Variants in NELL2 observed in about 807,000 individuals in gnomAD.
The protein encoded by NELL2 is protein kinase C-binding protein NELL2.
NELL2 carries 41 observed loss-of-function variants against 109.6 expected under a neutral mutation model. The observed-to-expected ratio is 0.37, with a 90% CI of 0.29 to 0.49. The LOEUF (loss-of-function observed/expected upper bound fraction) is 0.49, where lower values mean the gene tolerates loss of function less well. NELL2 is among the 20% of genes least tolerant of loss of function. The pLI is 0.98. For synonymous variants in NELL2, 355 were observed against 344.7 expected, an observed-to-expected ratio of 1.03 and a Z score of -0.33; for missense variants, 900 against 1,008.3, an observed-to-expected ratio of 0.89 and a Z score of 1.45.
chr12:44,898,842 G>A (rs1484438470), intron 1 of NELL2, among the ~76,000 whole-genome samples: 1 of 152,072 alleles, frequency 6.6e-6, no homozygotes, highest in Non-Finnish European at 1.5e-5. Context: ...CCCAATGCAA[G>A]GAAGCTAAGA....
At chr12:44,838,219 C>T (rs4499065) in intron 2 of NELL2, among the ~76,000 whole-genome samples, 1 of 152,018 alleles carries the variant, frequency 6.6e-6, no homozygotes, top group Non-Finnish European at 1.5e-5. Flanking sequence ...AGGTAATAAA[C>T]CCCAATGAGA....
At chr12:44,576,658 C>A (rs1379594635) in intron 15 of NELL2, among the ~76,000 whole-genome samples, 2 of 152,002 alleles carry the variant, frequency 1.3e-5, no homozygotes, top group African/African-American at 2.4e-5. Context: ...ACTAACTTGT[C>A]ATCTAGCATT....
chr12:44,657,458 G>A (rs932722034), intron 13 of NELL2, among the ~76,000 whole-genome samples: 1 of 152,036 alleles, frequency 6.6e-6, no homozygotes, highest in Non-Finnish European at 1.5e-5. Context: ...TGTCTTATGA[G>A]ACCACATTTA....
intron 1 of NELL2, among the ~76,000 whole-genome samples, chr12:44,900,246 T>C (rs376089693): frequency 2.0e-4 from 31 of 152,140 alleles, no homozygotes; most frequent in East Asian, 1.5e-3. Context: ...TGAACTCAGC[T>C]CAGGACCAAG....
chr12:44,525,168 G>A (rs1941710746), intron 16 of NELL2, among the ~76,000 whole-genome samples: 1 of 152,108 alleles, frequency 6.6e-6, no homozygotes, highest in African/African-American at 2.4e-5. Context: ...CCGAATTTTT[G>A]CAATCATTTT....
chr12:44,912,380 T>G (rs963500019), intron 1 of NELL2, among the ~76,000 whole-genome samples: 1 of 152,064 alleles, frequency 6.6e-6, no homozygotes, highest in African/African-American at 2.4e-5. Context: ...TCAAACAGAG[T>G]TAAACAAAAT....
At chr12:44,637,740 T>A (rs539848382) in intron 13 of NELL2, among the ~76,000 whole-genome samples, 2 of 151,310 alleles carry the variant, frequency 1.3e-5, no homozygotes, top group African/African-American at 4.9e-5. Flanking sequence ...CAACCTCAGT[T>A]TGGGCAAACA....
Position 44,662,359 on chromosome 12 carries a change from C to T in NELL2, c.1444+3125G>A, listed in dbSNP as rs139943060. Among the ~76,000 whole-genome samples the T allele has an allele frequency of 5.8e-4, 89 of 152,212 alleles. No individual in the cohort carries two copies. In the East Asian group the frequency reaches 0.015, roughly 26 times the overall value. ...TTTCTACATAAAATATGAATCATTT[C>T]CCTTTACTTTTGTATGACTGCAAAT... On this transcript the variant is annotated intron_variant, in intron 13 of 19. Transcript: ENST00000429094.
At chr12:44,867,272 A>G (rs1031659717) in intron 2 of NELL2, among the ~76,000 whole-genome samples, 7 of 152,256 alleles carry the variant, frequency 4.6e-5, no homozygotes, top group Admixed American at 3.3e-4. Flanking sequence ...CATTAAAAGT[A>G]TCATTCACCA....
chr12:44,726,226 G>C (rs1040102892), intron 9 of NELL2, among the ~76,000 whole-genome samples: 2 of 151,318 alleles, frequency 1.3e-5, no homozygotes, highest in African/African-American at 4.9e-5. Context: ...ACTGAAGAAA[G>C]AGTTGGAAAC....
intron 3 of NELL2, among the ~76,000 whole-genome samples, chr12:44,804,199 G>C (rs1405287847): frequency 1.3e-5 from 2 of 151,844 alleles, no homozygotes; most frequent in Non-Finnish European, 2.9e-5. Context: ...AATACCTAGA[G>C]TTTTAAATAA....
chr12:44,834,650 G>A (rs1853968397), intron 2 of NELL2, among the ~76,000 whole-genome samples: 1 of 152,214 alleles, frequency 6.6e-6, no homozygotes, highest in African/African-American at 2.4e-5. Context: ...TCAGGCCCCT[G>A]CCTGCCCTAC....
At chr12:44,722,359 T>C (rs1190121966) in intron 9 of NELL2, among the ~76,000 whole-genome samples, 2 of 152,110 alleles carry the variant, frequency 1.3e-5, no homozygotes, top group Non-Finnish European at 1.5e-5. Flanking sequence ...AGAGACAGGG[T>C]CTCACTCTGT....
intron 9 of NELL2, among the ~76,000 whole-genome samples, chr12:44,767,080 A>G (rs1450423244): frequency 6.6e-6 from 1 of 152,176 alleles, no homozygotes; most frequent in Non-Finnish European, 1.5e-5. Flanking sequence ...TATCCGTGTT[A>G]CGTCTACCGG....
intron 15 of NELL2, among the ~76,000 whole-genome samples, chr12:44,567,384 G>A (rs1410953322): frequency 1.3e-5 from 2 of 152,084 alleles, no homozygotes; most frequent in East Asian, 3.8e-4. Context: ...ACTTAACCTA[G>A]TTTAGGATCA....
intron 9 of NELL2, 50 bp downstream of exon 9, chr12:44,774,697 C>T (rs372667425): frequency 3.7e-5 from 53 of 1,427,268 alleles, no homozygotes; most frequent in Non-Finnish European, 4.9e-5. Context: ...CTTATTAATA[C>T]AGTGCTTTAT....
chr12:44,665,309 G>T (rs1947884105), intron 13 of NELL2, 175 bp downstream of exon 13: 1 of 461,490 alleles, frequency 2.2e-6, no homozygotes, highest in East Asian at 3.6e-5. Flanking sequence ...GAGCAAGCAG[G>T]TGTTTTTTTT....
chr12:44,795,938 T>C (rs1942606089), intron 3 of NELL2, among the ~76,000 whole-genome samples: 1 of 152,088 alleles, frequency 6.6e-6, no homozygotes, highest in Non-Finnish European at 1.5e-5. Context: ...AATTCATTTA[T>C]TCTAATGGTA....
chr12:44,698,061 A>G (rs997238450), intron 12 of NELL2, among the ~76,000 whole-genome samples: 1 of 152,092 alleles, frequency 6.6e-6, no homozygotes, highest in African/African-American at 2.4e-5. Flanking sequence ...TCATGTTCAC[A>G]TAGTGTAATT....
Sources: allele counts gnomAD v4.1 joint callset (sites outside exome capture counted in the v4.1 genomes callset), GRCh38; gene constraint gnomAD v4.1.1; transcripts MANE v1.5; gene names NCBI Gene and HGNC (gene_info 2026-07-23, HGNC 2026-07-21).